The following PCDH7 variants were observed in gnomAD, a reference collection of about 807,000 sequenced individuals.
PCDH7 encodes protocadherin-7.
A neutral mutation model predicts 58.9 loss-of-function variants in PCDH7; 17 were observed. The observed-to-expected ratio is 0.29, with a 90% CI of 0.20 to 0.43. The LOEUF is 0.43. Among genes scored for constraint, PCDH7 ranks in the 20% least tolerant of loss-of-function variants. The pLI, the probability that PCDH7 is intolerant of heterozygous loss-of-function variation, is 1.00. For synonymous variants in PCDH7, 664 were observed against 616.4 expected (o/e 1.08, Z -1.14); for missense variants, 1,274 against 1,441.0 (o/e 0.88, Z 1.88).
chr4:30,846,190 G>T (rs926083378), intron 1 of PCDH7, among the ~76,000 whole-genome samples: 3 of 152,010 alleles, frequency 2.0e-5, no homozygotes, highest in Admixed American at 2.0e-4. Flanking sequence ...TTCTTGCTAC[G>T]GTTTGAATGT....
rs185458351 is a variant in PCDH7 at position 31,070,747 on chromosome 4, A to C, written c.*8-71726A>C. ...AAAGACTATAACAACATTCATAAAAACAATCAAAAGAATACATTATCAGAA... is the reference window on the plus strand; with the variant it reads ...AAAGACTATAACAACATTCATAAAACCAATCAAAAGAATACATTATCAGAA... On this transcript the variant is annotated intron_variant, in intron 3 of 3. Coordinates refer to the PCDH7 transcript ENST00000509759. 1.8e-4 allele frequency among the ~76,000 whole-genome samples: 27 copies of C among 152,222 alleles called. 2 individuals are homozygous for C. Among genetic ancestry groups the C allele is most frequent in the African/African-American group, 6.3e-4 (26 of 41,578 alleles).
chr4:30,829,644 G>C (rs1477322793), intron 1 of PCDH7, among the ~76,000 whole-genome samples: 1 of 152,072 alleles, frequency 6.6e-6, no homozygotes, highest in African/African-American at 2.4e-5. Flanking sequence ...AGGTATCTAA[G>C]TTGAAATCTT....
chr4:30,975,298 A>G (rs1050171499), intron 3 of PCDH7, among the ~76,000 whole-genome samples: 6 of 152,082 alleles, frequency 3.9e-5, no homozygotes, highest in Non-Finnish European at 8.8e-5. Context: ...GCCATGAAAA[A>G]TATTTTCAGA....
rs143078970 is a variant in PCDH7 at position 31,138,995 on chromosome 4, GAAA to G, written c.*8-3472_*8-3470del. ...TGTCTCAAAAAAAAAAAAAAGAAAA[GAAA>G]AAAAACTCTACTTTCAAGAGAGATA... On this transcript the variant is annotated intron_variant, in intron 3 of 3. Transcript: ENST00000509759. Among the ~76,000 whole-genome samples the G allele has an allele frequency of 5.3e-3, 786 of 149,106 alleles. 7 individuals are homozygous for G. Among genetic ancestry groups the G allele is most frequent in the African/African-American group, 0.018 (735 of 40,728 alleles).
At chr4:31,057,084 T>A (rs2109231857) in intron 3 of PCDH7, among the ~76,000 whole-genome samples, 1 of 152,362 alleles carries the variant, frequency 6.6e-6, no homozygotes, top group East Asian at 1.9e-4. Context: ...AAATAGTATA[T>A]TCATAAATGT....
At chr4:31,043,565 G>C (rs925485949) in intron 3 of PCDH7, among the ~76,000 whole-genome samples, 39 of 152,200 alleles carry the variant, frequency 2.6e-4, no homozygotes, top group Admixed American at 7.2e-4. Context: ...ATGTTTGTTG[G>C]CTGCATGAAT....
chr4:31,107,613 G>A (rs1343045423), intron 3 of PCDH7, among the ~76,000 whole-genome samples: 1 of 152,272 alleles, frequency 6.6e-6, no homozygotes, highest in East Asian at 1.9e-4. Context: ...AGTCATCTGG[G>A]ATGAGAGTTT....
downstream of PCDH7, chr4:31,144,486 G>A (rs1578915780): frequency 6.6e-6 from 1 of 152,184 alleles, no homozygotes; most frequent in South Asian, 2.1e-4. Flanking sequence ...GGAATAACAG[G>A]TGTGAAGAGA....
rs371203550 is a variant in PCDH7 at position 30,988,588 on chromosome 4, A to T, written c.*7+38373A>T. Among the ~76,000 whole-genome samples the T allele has an allele frequency of 2.0e-5, 3 of 152,262 alleles. No individual in the cohort carries two copies. The South Asian group carries it at 6.2e-4, about 32-fold the overall frequency. ...TTTCTATATTTGTGAACTATTTATC[A>T]TTTAAGTTATCATCAAGGCCGAGTT... On this transcript the variant is annotated intron_variant, in intron 3 of 3. Coordinates refer to the PCDH7 transcript ENST00000509759.
At chr4:30,862,442 T>C (rs937130218) in intron 1 of PCDH7, among the ~76,000 whole-genome samples, 4 of 152,190 alleles carry the variant, frequency 2.6e-5, no homozygotes, top group Admixed American at 2.6e-4. Flanking sequence ...GGGGAATCCC[T>C]ATTCATATAT....
rs375145234 is a variant in PCDH7, at chr4:30,880,712, C to T, written c.71-39441C>T. Among the ~76,000 whole-genome samples, 22 of 152,072 alleles carry T rather than the reference C, an allele frequency of 1.4e-4. No individual in the cohort carries two copies. The South Asian group carries it at 1.7e-3, about 12-fold the overall frequency. On this transcript the variant is annotated intron_variant, in intron 1 of 3. Transcript: ENST00000509759. The stretch of plus-strand genomic sequence containing the variant: ...AAAAAGGCCAACCTCTCCTTTTTGG[C>T]AAAAATGCAAGCAAATAGTTTCCTT...
chr4:30,918,445 A>T (rs1474776086), intron 1 of PCDH7, among the ~76,000 whole-genome samples: 17 of 151,848 alleles, frequency 1.1e-4, no homozygotes, highest in African/African-American at 4.1e-4. Flanking sequence ...ACATTTCTTT[A>T]TTTTTTTTAA....
At chr4:30,724,290 T>G (rs145573031) in exon 1 of PCDH7, 1 of 1,613,674 alleles carries the variant, frequency 6.2e-7, no homozygotes, top group African/African-American at 1.3e-5. Context: ...CTGTGGAGGC[T>G]TCTAAGCCAA....
intron 1 of PCDH7, among the ~76,000 whole-genome samples, chr4:30,844,086 C>CA (rs1158361548): frequency 3.3e-5 from 5 of 152,062 alleles, no homozygotes; most frequent in African/African-American, 9.7e-5. Flanking sequence ...TTGAGAATGT[C>CA]AGATTATTTA....
chr4:31,079,813 G>T (rs1029009573), intron 3 of PCDH7, among the ~76,000 whole-genome samples: 2 of 152,174 alleles, frequency 1.3e-5, no homozygotes, highest in Middle Eastern at 6.8e-3. Flanking sequence ...ACACATTTGG[G>T]TGGATTCATA....
At position 30,911,205 on chromosome 4, in the gene PCDH7, T is replaced by A. The variant is rs554986465; in HGVS notation, c.71-8948T>A. 3.3e-5 allele frequency among the ~76,000 whole-genome samples: 5 copies of A among 152,016 alleles called. No homozygotes were observed. The South Asian group carries it at 1.0e-3, about 32-fold the overall frequency. On this transcript the variant is annotated intron_variant, in intron 1 of 3. Coordinates refer to the PCDH7 transcript ENST00000509759. ...GGAGAGCATTAGGAGAAATACCTAATGTAGGTGATGGGTTGATGGGTGCAG... is the reference window on the plus strand; with the variant it reads ...GGAGAGCATTAGGAGAAATACCTAAAGTAGGTGATGGGTTGATGGGTGCAG...
chr4:30,889,651 C>G (rs569970657), intron 1 of PCDH7, among the ~76,000 whole-genome samples: 1 of 152,236 alleles, frequency 6.6e-6, no homozygotes. Flanking sequence ...CTGGCAGATT[C>G]CATGTCTGTT....
At chr4:30,857,794 TTTG>T (rs1733674071) in intron 1 of PCDH7, among the ~76,000 whole-genome samples, 1 of 152,166 alleles carries the variant, frequency 6.6e-6, no homozygotes, top group Non-Finnish European at 1.5e-5. Flanking sequence ...ATTAGCCTTT[TTTG>T]TTCTGGATCG....
intron 1 of PCDH7, among the ~76,000 whole-genome samples, chr4:30,828,195 T>C (rs1273580428): frequency 6.6e-6 from 1 of 151,750 alleles, no homozygotes; most frequent in Non-Finnish European, 1.5e-5. Context: ...AGTTGATGTA[T>C]AAAAAGTATT....
Sources: gnomAD v4.1 joint callset for allele counts (sites outside exome capture counted in the v4.1 genomes callset) on GRCh38, gnomAD v4.1.1 for gene constraint, MANE v1.5 for transcripts, NCBI Gene and HGNC (gene_info 2026-07-23, HGNC 2026-07-21) for gene names.